The following RANBP6 variants were observed in gnomAD, a reference collection of about 807,000 sequenced individuals.
RANBP6 encodes RAN binding protein 6.
A neutral mutation model predicts 35.3 loss-of-function variants in RANBP6; 10 were observed. The observed-to-expected ratio is 0.28, with a 90% CI of 0.17 to 0.48. The LOEUF is 0.48. RANBP6 is among the 20% of genes least tolerant of loss of function. RANBP6 has a pLI of 0.99. For missense variants in RANBP6, 1,392 were observed against 1,307.7 expected (o/e 1.06, Z -0.99); for synonymous variants, 514 against 464.2 (o/e 1.11, Z -1.38).
In RANBP6 at chr9:6,013,389, T is replaced by C; in HGVS notation, c.2219A>G (p.Glu740Gly). The stretch of plus-strand genomic sequence containing the variant: ...CTCTGGGCCACGAATTCTTGCACAT[T>C]CCAGGAGAAAAGGCATGGACTCTGC... The part of the protein sequence containing the change: ...AAAESMPFLL[E>G]CARIRGPEYL... Residue 740 changes from glutamate (E) to glycine (G), a missense_variant, in exon 1 of 1, where the codon GAA (glutamate) becomes GGA (glycine). Transcript: ENST00000259569. 1 of 1,614,236 alleles carries C rather than the reference T, an allele frequency of 6.2e-7. No homozygotes were observed. The highest frequency in any genetic ancestry group is 2.2e-5 in the East Asian group (1 of 44,886).
chr9:6,013,913 A>G lies in RANBP6; in HGVS notation c.1695T>C (p.Thr565=). ...QKELKLLRGK[T]IECISHIGLA... ...GACCAATATGGCTAATGCACTCGAT[A>G]GTTTTTCCTCTCAGAAGCTTGAGTT... The change falls in exon 1 of 1, where the codon ACT becomes ACC. Residue 565 remains threonine (T), a synonymous_variant. Coordinates refer to ENST00000259569, the MANE Select transcript of RANBP6 (RefSeq NM_012416.4). The G allele has an allele frequency of 6.2e-7, 1 of 1,614,036 alleles. No homozygotes were observed. Among genetic ancestry groups the G allele is most frequent in the Non-Finnish European group, 8.5e-7 (1 of 1,180,018 alleles).
Position 6,015,523 on chromosome 9 carries a change from G to T in RANBP6, c.85C>A (p.Pro29Thr). 1 of 1,613,144 alleles carries T rather than the reference G, an allele frequency of 6.2e-7. No homozygotes were observed. Among genetic ancestry groups the T allele is most frequent in the South Asian group, 1.1e-5 (1 of 91,088 alleles). ...GCTTGCCTCCGCACCATACAGCTTG[G>T]ATTGATCAGGTTCTTCAGAAGCTGG... ...FYQLLKNLIN[P>T]SCMVRRQAEE... Residue 29 changes from proline (P) to threonine (T), a missense_variant, in exon 1 of 1, where the codon CCA becomes ACA. Pro to Thr is a conservative substitution (Grantham distance 38). Transcript: ENST00000259569.
At position 6,014,903 on chromosome 9, in the gene RANBP6, G is replaced by A; in HGVS notation, c.705C>T (p.Asp235=). 1.2e-6 allele frequency: 2 copies of A among 1,614,082 alleles called. No homozygotes were observed. Among genetic ancestry groups the A allele is most frequent in the Non-Finnish European group, 1.7e-6 (2 of 1,179,988 alleles). Residue 235 remains aspartate (D), a synonymous_variant, in exon 1 of 1, where the codon GAC becomes GAT. Coordinates refer to ENST00000259569, the MANE Select transcript of RANBP6 (RefSeq NM_012416.4). ...LLPGILQAVN[D]SCYQDDDSVL... ...CTGAATCATCATCCTGGTAGCATGA[G>A]TCATTCACAGCCTGTAAGATTCCAG... is the stretch of plus-strand genomic sequence containing the variant.
Position 6,013,740 on chromosome 9 carries a change from A to G in RANBP6, c.1868T>C (p.Leu623Pro). The G allele has an allele frequency of 1.9e-6, 3 of 1,613,984 alleles. No homozygotes were observed. The highest frequency in any genetic ancestry group is 2.5e-6 in the Non-Finnish European group (3 of 1,180,016). The change falls in exon 1 of 1, where the codon CTT becomes CCT. Residue 623 changes from leucine (L) to proline (P), a missense_variant. Physicochemically the swap from Leu to Pro is moderately conservative, Grantham distance 98. Transcript: ENST00000259569. Reference sequence around the variant, plus strand: ...AAGGTACTGTTGAAAATCTTTTCCAAGAATTTTACACATTCTAGCCCATGC... The same window carrying G: ...AAGGTACTGTTGAAAATCTTTTCCAGGAATTTTACACATTCTAGCCCATGC... ...VSAWARMCKI[L>P]GKDFQQYLPL...
rs1199315373 is a variant in RANBP6 at position 6,011,474 on chromosome 9, G to C, written c.*816C>G. ...CTCTTGTTGAGCTGCTTTGCAGGGA[G>C]AAAATGGCATACATATACAAAATAA... On this transcript the variant is annotated 3_prime_UTR_variant, in exon 1 of 1. Transcript: ENST00000259569. The C allele has an allele frequency of 6.6e-6, 1 of 152,162 alleles. No homozygotes were observed. The highest frequency in any genetic ancestry group is 1.5e-5 in the Non-Finnish European group (1 of 68,024). The allele number at this position is 152,162 out of a possible 1,614,324, so 9.4% of individuals were successfully genotyped here. A position where few individuals can be genotyped will look rare whatever the true frequency, so the allele number is the denominator to read the frequency against.
rs200224813 is a variant in RANBP6 at position 6,013,431 on chromosome 9, T to C, written c.2177A>G (p.Asn726Ser). The change falls in exon 1 of 1, where the codon AAT (asparagine) becomes AGT (serine). Residue 726 changes from asparagine to serine, a missense_variant. Coordinates refer to ENST00000259569, the MANE Select transcript of RANBP6 (RefSeq NM_012416.4). ...VPLLKFYFHD[N>S]VRVAAAESMP... ...GGACTCTGCTGCTGCCACTCGAACATTGTCATGGAAATAAAATTTCAGTAA... is the reference window on the plus strand; with the variant it reads ...GGACTCTGCTGCTGCCACTCGAACACTGTCATGGAAATAAAATTTCAGTAA... 3.5e-5 allele frequency: 56 copies of C among 1,614,086 alleles called. No homozygotes were observed. Among genetic ancestry groups the C allele is most frequent in the Middle Eastern group, 1.6e-4 (1 of 6,082 alleles).
rs768635546 is a variant in RANBP6, at chr9:6,014,022, T to A, written c.1586A>T (p.Asp529Val). 1 of 1,613,918 alleles carries A rather than the reference T, an allele frequency of 6.2e-7. No individual in the cohort carries two copies. The highest frequency in any genetic ancestry group is 8.5e-7 in the Non-Finnish European group (1 of 1,179,940). Residue 529 changes from aspartate (D) to valine (V), a missense_variant, in exon 1 of 1, where the codon GAT becomes GTT. By Grantham distance (152) the Asp-to-Val change is radical. Coordinates refer to ENST00000259569, the MANE Select transcript of RANBP6 (RefSeq NM_012416.4). The part of the protein sequence containing the change: ...QLVTTIASVA[D>V]TIEEKFVPYY... Reference sequence around the variant, plus strand: ...TGGGACAAATTTTTCTTCTATTGTATCTGCAACTGATGCAATGGTTGTCAC... The same window carrying A: ...TGGGACAAATTTTTCTTCTATTGTAACTGCAACTGATGCAATGGTTGTCAC...
rs1036378506 is a variant in RANBP6, at chr9:6,012,229, T to C, written c.*61A>G. The C allele has an allele frequency of 8.1e-7, 1 of 1,229,118 alleles. No homozygotes were observed. The highest frequency in any genetic ancestry group is 1.1e-6 in the Non-Finnish European group (1 of 904,110). 76.1% of individuals were successfully genotyped at this position (1,229,118 alleles called of 1,614,324 possible). On this transcript the variant is annotated 3_prime_UTR_variant, in exon 1 of 1. Transcript: ENST00000259569. ...TTCTCTGATTTATAATAAAATCTAT[T>C]CACAACACTTATTTGTAGTTACTTT...
At position 6,014,461 on chromosome 9, in the gene RANBP6, G is replaced by A. The variant is rs1418043357; in HGVS notation, c.1147C>T (p.Arg383Ter). Residue 383 changes from arginine to a stop codon, truncating the protein, a stop_gained, in exon 1 of 1, where the codon CGA (arginine) becomes TGA (stop). Transcript: ENST00000259569. LOFTEE classifies it low-confidence loss of function (END_TRUNC). ...QMLQSPDWKY[R>*]HAGLMALSAI... ...GATAAGGCCATTAATCCAGCATGTC[G>A]ATACTTCCAGTCAGGGCTCTGAAGC... is the stretch of plus-strand genomic sequence containing the variant. 4 of 1,614,020 alleles carry A rather than the reference G, an allele frequency of 2.5e-6. No individual in the cohort carries two copies. Among genetic ancestry groups the A allele is most frequent in the Non-Finnish European group, 3.4e-6 (4 of 1,180,044 alleles).
chr9:6,015,211 C>T lies in RANBP6; in HGVS notation c.397G>A (p.Gly133Ser), dbSNP rs1447681333. Residue 133 changes from glycine to serine, a missense_variant, in exon 1 of 1, where the codon GGC becomes AGC. Coordinates refer to ENST00000259569, the MANE Select transcript of RANBP6 (RefSeq NM_012416.4). ...VLARNLIDED[G>S]TNHWPEGLKF... Reference sequence around the variant, plus strand: ...AGACCTTCCGGCCAGTGGTTAGTGCCATCCTCATCTATCAAATTCCTGGCC... The same window carrying T: ...AGACCTTCCGGCCAGTGGTTAGTGCTATCCTCATCTATCAAATTCCTGGCC... 6.2e-7 allele frequency: 1 copy of T among 1,614,094 alleles called. No individual in the cohort carries two copies. Among genetic ancestry groups the T allele is most frequent in the South Asian group, 1.1e-5 (1 of 91,062 alleles).
chr9:6,015,194 C>T lies in RANBP6; in HGVS notation c.414G>A (p.Pro138=), dbSNP rs147656307. 13 of 1,614,042 alleles carry T rather than the reference C, an allele frequency of 8.1e-6. No homozygotes were observed. The highest frequency in any genetic ancestry group is 1.0e-5 in the Non-Finnish European group (12 of 1,180,054). The change falls in exon 1 of 1, where the codon CCG becomes CCA. Residue 138 remains proline (P), a synonymous_variant. Transcript: ENST00000259569. The part of the protein sequence containing the change: ...LIDEDGTNHW[P]EGLKFLIDSI... ...AATCAATAAGAAACTTCAGACCTTC[C>T]GGCCAGTGGTTAGTGCCATCCTCAT...
Position 6,015,581 on chromosome 9 carries a change from C to A in RANBP6, c.27G>T (p.Val9=), listed in dbSNP as rs1310176626. MAATASAG[V]PATVSEKQEF... ...CTTGCTTTTCTGACACGGTCGCCGGCACCCCTGCAGACGCGGTTGCCGCCA... is the reference window on the plus strand; with the variant it reads ...CTTGCTTTTCTGACACGGTCGCCGGAACCCCTGCAGACGCGGTTGCCGCCA... Residue 9 remains valine, a synonymous_variant, in exon 1 of 1, where the codon GTG becomes GTT. Transcript: ENST00000259569. 1.2e-6 allele frequency: 2 copies of A among 1,601,668 alleles called. No homozygotes were observed. The highest frequency in any genetic ancestry group is 1.7e-6 in the Non-Finnish European group (2 of 1,178,562).
At position 6,014,664 on chromosome 9, in the gene RANBP6, T is replaced by C; in HGVS notation, c.944A>G (p.His315Arg). The C allele has an allele frequency of 6.2e-7, 1 of 1,614,186 alleles. No homozygotes were observed. Among genetic ancestry groups the C allele is most frequent in the East Asian group, 2.2e-5 (1 of 44,886 alleles). The change falls in exon 1 of 1, where the codon CAT becomes CGT. Residue 315 changes from histidine (H) to arginine (R), a missense_variant. Transcript: ENST00000259569. ...HTNIIAQAVP[H>R]ILAMMVDLQD... ...TAGATCAACCATCATTGCTAATATA[T>C]GAGGAACTGCCTGTGCAATAATATT... is the stretch of plus-strand genomic sequence containing the variant.
chr9:6,015,144 A>T lies in RANBP6; in HGVS notation c.464T>A (p.Leu155Gln). The change falls in exon 1 of 1, where the codon CTA becomes CAA. Residue 155 changes from leucine (L) to glutamine (Q), a missense_variant. By Grantham distance (113) the Leu-to-Gln change is moderately radical. Coordinates refer to ENST00000259569, the MANE Select transcript of RANBP6 (RefSeq NM_012416.4). The stretch of plus-strand genomic sequence containing the variant: ...GAAAACGTGAAGTGCAACTTCCCAT[A>T]GAACCACATTTTTGGAGTAGATTGA... Reference protein sequence around the residue: ...IDSIYSKNVVLWEVALHVFWH... With the variant: ...IDSIYSKNVVQWEVALHVFWH... 6.2e-7 allele frequency: 1 copy of T among 1,614,160 alleles called. No individual in the cohort carries two copies. The highest frequency in any genetic ancestry group is 8.5e-7 in the Non-Finnish European group (1 of 1,180,042).
At position 6,015,172 on chromosome 9, in the gene RANBP6, C is replaced by T. The variant is rs781646774; in HGVS notation, c.436G>A (p.Asp146Asn). The T allele has an allele frequency of 1.9e-6, 3 of 1,614,090 alleles. No homozygotes were observed. Among genetic ancestry groups the T allele is most frequent in the Middle Eastern group, 1.6e-4 (1 of 6,062 alleles). Residue 146 changes from aspartate (D) to asparagine (N), a missense_variant, in exon 1 of 1, where the codon GAT (aspartate) becomes AAT (asparagine). By Grantham distance (23) the Asp-to-Asn change is conservative. Transcript: ENST00000259569. ...HWPEGLKFLI[D>N]SIYSKNVVLW... is the part of the protein sequence containing the mutation. ...ACCACATTTTTGGAGTAGATTGAAT[C>T]AATAAGAAACTTCAGACCTTCCGGC... is the stretch of plus-strand genomic sequence containing the variant.
Position 6,012,033 on chromosome 9 carries a change from C to T in RANBP6, c.*257G>A, listed in dbSNP as rs751560630. 5 of 310,246 alleles carry T rather than the reference C, an allele frequency of 1.6e-5. No individual in the cohort carries two copies. Among genetic ancestry groups the T allele is most frequent in the Non-Finnish European group, 3.0e-5 (5 of 169,328 alleles). 19.2% of individuals were successfully genotyped at this position (310,246 alleles called of 1,614,324 possible). On this transcript the variant is annotated 3_prime_UTR_variant, in exon 1 of 1. Transcript: ENST00000259569. The stretch of plus-strand genomic sequence containing the variant: ...AAATAGCAACAATTTATATACTTTA[C>T]ATCAACTAGGGGAAAGGTGACAAAC...
At position 6,014,873 on chromosome 9, in the gene RANBP6, T is replaced by C; in HGVS notation, c.735A>G (p.Leu245=). 1 of 1,614,176 alleles carries C rather than the reference T, an allele frequency of 6.2e-7. No homozygotes were observed. The highest frequency in any genetic ancestry group is 8.5e-7 in the Non-Finnish European group (1 of 1,180,004). Residue 245 remains leucine, a synonymous_variant, in exon 1 of 1, where the codon CTA becomes CTG. Coordinates refer to ENST00000259569, the MANE Select transcript of RANBP6 (RefSeq NM_012416.4). Reference sequence around the variant, plus strand: ...TATCTGCAATCTCAACAAGGGATTCTAGCACTGAATCATCATCCTGGTAGC... The same window carrying C: ...TATCTGCAATCTCAACAAGGGATTCCAGCACTGAATCATCATCCTGGTAGC... ...DSCYQDDDSV[L]ESLVEIADTV... is the part of the protein sequence containing the mutation.
chr9:6,014,261 T>G lies in RANBP6; in HGVS notation c.1347A>C (p.Thr449=), dbSNP rs372696871. ...TGGTACGTAACAGAGCTGCAATCACTGTTTCATGAAATTTCTTTTGGAAAT... is the reference window on the plus strand; with the variant it reads ...TGGTACGTAACAGAGCTGCAATCACGGTTTCATGAAATTTCTTTTGGAAAT... ...APNFQKKFHE[T]VIAALLRTME... Residue 449 remains threonine (T), a synonymous_variant, in exon 1 of 1, where the codon ACA becomes ACC. Transcript: ENST00000259569. 6 of 1,614,118 alleles carry G rather than the reference T, an allele frequency of 3.7e-6. No homozygotes were observed. The highest frequency in any genetic ancestry group is 5.1e-6 in the Non-Finnish European group (6 of 1,180,040).
chr9:6,013,427 A>G lies in RANBP6; in HGVS notation c.2181T>C (p.Val727=). The G allele has an allele frequency of 1.2e-6, 2 of 1,614,222 alleles. No individual in the cohort carries two copies. Among genetic ancestry groups the G allele is most frequent in the Non-Finnish European group, 1.7e-6 (2 of 1,180,034 alleles). ...GCATGGACTCTGCTGCTGCCACTCG[A>G]ACATTGTCATGGAAATAAAATTTCA... ...PLLKFYFHDN[V]RVAAAESMPF... is the part of the protein sequence containing the mutation. The change falls in exon 1 of 1, where the codon GTT becomes GTC. Residue 727 remains valine, a synonymous_variant. Transcript: ENST00000259569.
Sources: allele counts gnomAD v4.1 joint callset, GRCh38; gene constraint gnomAD v4.1.1; transcripts MANE v1.5; gene names NCBI Gene and HGNC (gene_info 2026-07-23, HGNC 2026-07-21).